Variants in A2ML1 observed in about 807,000 individuals in gnomAD.
The protein encoded by A2ML1 is alpha-2-macroglobulin like 1.
In A2ML1, 161 loss-of-function variants were observed where a neutral mutation model predicts 181.9. The observed-to-expected ratio is 0.89, with a 90% CI of 0.78 to 1.01. A2ML1 has a LOEUF of 1.01. Among genes scored for constraint, A2ML1 ranks in the 50% least tolerant of loss-of-function variants. The pLI, the probability that A2ML1 is intolerant of heterozygous loss-of-function variation, is 0.00. For synonymous variants in A2ML1, 663 were observed against 666.8 expected (o/e 0.99, Z 0.09); for missense variants, 1,670 against 1,768.1 (o/e 0.94, Z 1.00).
At position 8,837,507 on chromosome 12, in the gene A2ML1, T is replaced by C. The variant is rs1943322710; in HGVS notation, c.796T>C (p.Trp266Arg). ...TGTGTGTCAGAAGGCAAATACTTAC[T>C]GGTATCGAGAGGTGGAACGGGAACA... ...VSVCQKANTY[W>R]YREVEREQLP... The change falls in exon 8 of 36, where the codon TGG becomes CGG. Residue 266 changes from tryptophan (W) to arginine (R), a missense_variant. Coordinates refer to ENST00000299698, the MANE Select transcript of A2ML1 (RefSeq NM_144670.6). 6.2e-7 allele frequency: 1 copy of C among 1,614,068 alleles called. No individual in the cohort carries two copies. The highest frequency in any genetic ancestry group is 8.5e-7 in the Non-Finnish European group (1 of 1,179,964).
chr12:8,840,771 G>A (rs1009167577), intron 10 of A2ML1, among the ~76,000 whole-genome samples: 16 of 152,022 alleles, frequency 1.1e-4, no homozygotes, highest in Non-Finnish European at 2.1e-4. Flanking sequence ...AGCCAGGTAT[G>A]GTGGCACGGG....
chr12:8,877,394 AACAG>A (rs1449018284), downstream of A2ML1, among the ~76,000 whole-genome samples: 1 of 152,220 alleles, frequency 6.6e-6, no homozygotes, highest in African/African-American at 2.4e-5. Context: ...CAACAGAGTA[AACAG>A]ACAGCCTAAA....
intron 22 of A2ML1, 88 bp downstream of exon 22, chr12:8,854,919 G>A: frequency 7.4e-7 from 1 of 1,345,060 alleles, no homozygotes; most frequent in East Asian, 2.4e-5. Flanking sequence ...TTTTGAGACG[G>A]AGTCTCGCTC....
At chr12:8,877,788 G>T (rs1177497873), downstream of A2ML1, among the ~76,000 whole-genome samples, 3 of 152,128 alleles carry the variant, frequency 2.0e-5, no homozygotes, top group African/African-American at 4.8e-5. Context: ...TTTTCTCAAA[G>T]AATTAAAAAT....
At position 8,845,099 on chromosome 12, in the gene A2ML1, C is replaced by T. The variant is rs73038740; in HGVS notation, c.1477-343C>T. The stretch of plus-strand genomic sequence containing the variant: ...AAAAACACTTATGAGGATAGATTTT[C>T]GCTGACTTTCTGTTACAAAGATTAT... On this transcript the variant is annotated intron_variant, in intron 12 of 35. Coordinates refer to ENST00000299698, the MANE Select transcript of A2ML1 (RefSeq NM_144670.6). The T allele has an allele frequency of 7.2e-3, 10,470 of 1,446,532 alleles. 50 individuals carry two copies. The highest frequency in any genetic ancestry group is 0.011 in the African/African-American group (751 of 70,046). 89.6% of individuals were successfully genotyped at this position (1,446,532 alleles called of 1,614,324 possible). A position where few individuals can be genotyped will look rare whatever the true frequency, so the allele number is the denominator to read the frequency against.
chr12:8,844,431 T>G (rs1357528707), intron 12 of A2ML1, among the ~76,000 whole-genome samples: 1 of 151,928 alleles, frequency 6.6e-6, no homozygotes, highest in East Asian at 1.9e-4. Context: ...GTTCCATTGG[T>G]CAATATTATC....
At chr12:8,863,104 CT>C (rs10572999) in intron 28 of A2ML1, among the ~76,000 whole-genome samples, 98,218 of 139,630 alleles carry the variant, frequency 0.7, 35,386 homozygotes, top group East Asian at 0.94. Flanking sequence ...AATGTTAAAT[CT>C]TTTTTTTTTT....
At chr12:8,840,770 T>C (rs1244956846) in intron 10 of A2ML1, among the ~76,000 whole-genome samples, 2 of 151,688 alleles carry the variant, frequency 1.3e-5, no homozygotes, top group Non-Finnish European at 2.9e-5. Context: ...TAGCCAGGTA[T>C]GGTGGCACGG....
Position 8,849,721 on chromosome 12 carries a change from G to A in A2ML1, c.2081G>A (p.Cys694Tyr). ...SNAKIKKPVD[C>Y]SHRSPEYSTA... is the part of the protein sequence containing the mutation. ...GCCAAAATCAAGAAGCCAGTAGATTGCAGTCACAGATCTCCAGAATACAGC... is the reference window on the plus strand; with the variant it reads ...GCCAAAATCAAGAAGCCAGTAGATTACAGTCACAGATCTCCAGAATACAGC... Residue 694 changes from cysteine (C) to tyrosine (Y), a missense_variant, in exon 17 of 36, where the codon TGC becomes TAC. Coordinates refer to ENST00000299698, the MANE Select transcript of A2ML1 (RefSeq NM_144670.6). The A allele has an allele frequency of 1.2e-6, 2 of 1,614,192 alleles. No individual in the cohort carries two copies. The highest frequency in any genetic ancestry group is 1.7e-6 in the Non-Finnish European group (2 of 1,180,038).
intron 12 of A2ML1, chr12:8,845,094 A>AT (rs1943622048): frequency 1.4e-6 from 2 of 1,446,650 alleles, no homozygotes; most frequent in Non-Finnish European, 1.8e-6. Flanking sequence ...ATGAGGATAG[A>AT]TTTTCGCTGA....
intron 14 of A2ML1, among the ~76,000 whole-genome samples, chr12:8,846,549 T>G (rs962515290): frequency 6.6e-6 from 1 of 151,872 alleles, no homozygotes; most frequent in East Asian, 1.9e-4. Flanking sequence ...TACAAAAAAA[T>G]TTTTAATTAG....
intron 33 of A2ML1, among the ~76,000 whole-genome samples, chr12:8,872,043 G>A (rs756013307): frequency 4.6e-5 from 7 of 152,090 alleles, no homozygotes; most frequent in Non-Finnish European, 8.8e-5. Flanking sequence ...GCTGGGCGTG[G>A]TGGCAGGAGC....
In A2ML1 at chr12:8,847,681, G is replaced by C. The variant is rs1215716013; in HGVS notation, c.1816G>C (p.Glu606Gln). The C allele has an allele frequency of 3.1e-6, 5 of 1,612,308 alleles. No homozygotes were observed. The highest frequency in any genetic ancestry group is 4.2e-6 in the Non-Finnish European group (5 of 1,179,318). Reference sequence around the variant, plus strand: ...TGTCTTACTGCTTAGGCCAGACAGAGAGCTGAGCAACCGCTCTGTGAGTAA... The same window carrying C: ...TGTCTTACTGCTTAGGCCAGACAGACAGCTGAGCAACCGCTCTGTGAGTAA... ...ESVLLLRPDR[E>Q]LSNRSVYGMF... is the part of the protein sequence containing the mutation. The change falls in exon 15 of 36, where the codon GAG becomes CAG. Residue 606 changes from glutamate (E) to glutamine (Q), a missense_variant. Transcript: ENST00000299698.
intron 3 of A2ML1, among the ~76,000 whole-genome samples, chr12:8,824,234 T>TG (rs1462401462): frequency 4.1e-4 from 61 of 148,092 alleles, no homozygotes; most frequent in African/African-American, 1.5e-3. Flanking sequence ...TTTTTTTTTT[T>TG]TTTTTTTTTT....
chr12:8,822,761 G>A lies in A2ML1; in HGVS notation c.62+48G>A, dbSNP rs1942784554. 4 of 1,572,088 alleles carry A rather than the reference G, an allele frequency of 2.5e-6. No homozygotes were observed. In the South Asian group the frequency reaches 3.3e-5, roughly 13 times the overall value. ...GGTTTATTAGGGCAGCGGCTTCTTC[G>A]CCTAACTTTCTCAAACATTTATATG... is the stretch of plus-strand genomic sequence containing the variant. On this transcript the variant is annotated intron_variant, in intron 1 of 35. Coordinates refer to ENST00000299698, the MANE Select transcript of A2ML1 (RefSeq NM_144670.6).
rs1260057440 is a variant in A2ML1 at position 8,868,304 on chromosome 12, T to C, written c.4008T>C (p.Ala1336=). Reference sequence around the variant, plus strand: ...GTCTTAGTGTGGAAATAGGAAAAGCTAGATGTGAGCAACCGACTTCACCTC... The same window carrying C: ...GTCTTAGTGTGGAAATAGGAAAAGCCAGATGTGAGCAACCGACTTCACCTC... ...TFSLSVEIGK[A]RCEQPTSPRS... The change falls in exon 31 of 36, where the codon GCT becomes GCC. Residue 1336 remains alanine (A), a synonymous_variant. Coordinates refer to ENST00000299698, the MANE Select transcript of A2ML1 (RefSeq NM_144670.6). The C allele has an allele frequency of 6.2e-7, 1 of 1,613,982 alleles. No individual in the cohort carries two copies. The highest frequency in any genetic ancestry group is 1.7e-5 in the Admixed American group (1 of 59,960).
rs1472339853 is a variant in A2ML1 at position 8,852,175 on chromosome 12, G to A, written c.2464-35G>A. The A allele has an allele frequency of 7.4e-6, 12 of 1,613,118 alleles. No homozygotes were observed. The African/African-American group carries it at 1.5e-4, about 20-fold the overall frequency. On this transcript the variant is annotated intron_variant, in intron 19 of 35. Coordinates refer to ENST00000299698, the MANE Select transcript of A2ML1 (RefSeq NM_144670.6). This position sits in a 1 kb window ranked among gnomAD's most constrained non-coding sequence, Gnocchi z 4.2. ...CAGGCCTCTATGCACTACCTCCTTT[G>A]TTTGTACCCTTTGTCTCTTAAACAT...
intron 15 of A2ML1, 75 bp downstream of exon 15, chr12:8,847,773 G>C: frequency 6.5e-7 from 1 of 1,533,490 alleles, no homozygotes; most frequent in South Asian, 1.3e-5. Flanking sequence ...GTTTCAGGCA[G>C]GGGAGAGAAA....
intron 3 of A2ML1, among the ~76,000 whole-genome samples, chr12:8,827,127 G>T (rs1251958861): frequency 6.6e-6 from 1 of 151,968 alleles, no homozygotes; most frequent in Non-Finnish European, 1.5e-5. Flanking sequence ...AATCACCTGA[G>T]ATGAGTATTT....
Sources: gnomAD v4.1 joint callset for allele counts (sites outside exome capture counted in the v4.1 genomes callset) on GRCh38, gnomAD v4.1.1 for gene constraint, Gnocchi (gnomAD v3.1) non-coding constraint, MANE v1.5 for transcripts, NCBI Gene and HGNC (gene_info 2026-07-23, HGNC 2026-07-21) for gene names.